The following WDFY4 variants were observed in gnomAD, a reference collection of about 807,000 sequenced individuals.
The protein encoded by WDFY4 is WDFY family member 4.
A neutral mutation model predicts 351.9 loss-of-function variants in WDFY4; 169 were observed. The observed-to-expected ratio is 0.48, with a 90% CI of 0.42 to 0.55. WDFY4 has a LOEUF of 0.55. Ranked by LOEUF, WDFY4 falls within the 20% of genes least tolerant of loss-of-function variation. WDFY4 has a pLI of 0.00. For synonymous variants in WDFY4, 1,622 were observed against 1,574.6 expected (o/e 1.03, Z -0.71); for missense variants, 3,803 against 3,935.6 (o/e 0.97, Z 0.90).
At chr10:48,904,680 C>A (rs752616441) in intron 47 of WDFY4, among the ~76,000 whole-genome samples, 11 of 152,120 alleles carry the variant, frequency 7.2e-5, no homozygotes, top group African/African-American at 2.4e-4. Flanking sequence ...CACCACACAC[C>A]GTACATGCTC....
At chr10:48,772,297 G>A (rs955983465) in intron 13 of WDFY4, among the ~76,000 whole-genome samples, 3 of 152,116 alleles carry the variant, frequency 2.0e-5, no homozygotes, top group Non-Finnish European at 4.4e-5. Flanking sequence ...CGAGGGCACT[G>A]GCCTCATTGG....
At chr10:48,937,986 G>A (rs867713762) in intron 47 of WDFY4, among the ~76,000 whole-genome samples, 1 of 152,160 alleles carries the variant, frequency 6.6e-6, no homozygotes, top group African/African-American at 2.4e-5. Context: ...AGGAAGCCTC[G>A]CCTGGCAATG....
At chr10:48,705,922 G>C (rs1198941730) in intron 1 of WDFY4, among the ~76,000 whole-genome samples, 2 of 152,182 alleles carry the variant, frequency 1.3e-5, no homozygotes, top group African/African-American at 4.8e-5. Context: ...TTTACTGATA[G>C]AGCCAGTTAG....
intron 47 of WDFY4, among the ~76,000 whole-genome samples, chr10:48,925,637 G>T (rs1019632269): frequency 2.0e-5 from 3 of 152,230 alleles, no homozygotes; most frequent in Non-Finnish European, 2.9e-5. Context: ...GAAAGGGACA[G>T]ATTAGAGGTG....
At chr10:48,787,908 TC>T (rs1565198725) in intron 20 of WDFY4, among the ~76,000 whole-genome samples, 17 of 37,952 alleles carry the variant, frequency 4.5e-4, no homozygotes, top group Non-Finnish European at 8.1e-4. Flanking sequence ...TTCTTCTTCT[TC>T]TTCTTCTTCT....
Position 48,817,269 on chromosome 10 carries a change from G to A in WDFY4, c.5365G>A (p.Ala1789Thr). ...SQPLAGSEDG[A>T]WAQTFPASVL... Reference sequence around the variant, plus strand: ...GCCCCTGGCAGGTTCTGAGGATGGTGCCTGGGCACAGACCTTCCCGGCCAG... The same window carrying A: ...GCCCCTGGCAGGTTCTGAGGATGGTACCTGGGCACAGACCTTCCCGGCCAG... The change falls in exon 32 of 62, where the codon GCC (alanine) becomes ACC (threonine). Residue 1789 changes from alanine to threonine, a missense_variant. This residue lies in a region of WDFY4 where 3,054 missense variants were observed against 3,148.6 expected (regional missense o/e 0.97). Transcript: ENST00000325239. The A allele has an allele frequency of 6.4e-6, 10 of 1,551,684 alleles. No individual in the cohort carries two copies. The highest frequency in any genetic ancestry group is 8.7e-6 in the Non-Finnish European group (10 of 1,147,030).
intron 47 of WDFY4, among the ~76,000 whole-genome samples, chr10:48,924,079 T>G (rs1839361769): frequency 1.3e-5 from 2 of 152,354 alleles, no homozygotes; most frequent in South Asian, 4.1e-4. Flanking sequence ...GCTCCAAGCC[T>G]GCCCATTAAT....
At chr10:48,858,524 T>C (rs1428032638) in intron 39 of WDFY4, among the ~76,000 whole-genome samples, 2 of 152,228 alleles carry the variant, frequency 1.3e-5, no homozygotes, top group East Asian at 3.9e-4. Flanking sequence ...CATGTGTGGA[T>C]TATTTCTGGA....
At chr10:48,774,950 A>G (rs1748638960) in intron 14 of WDFY4, among the ~76,000 whole-genome samples, 1 of 148,930 alleles carries the variant, frequency 6.7e-6, no homozygotes. Context: ...AGAGTTCACT[A>G]GACAAAGAGA....
chr10:48,761,359 G>A (rs2132524858), intron 13 of WDFY4, among the ~76,000 whole-genome samples: 1 of 152,318 alleles, frequency 6.6e-6, no homozygotes, highest in African/African-American at 2.4e-5. Context: ...TACATTGGCT[G>A]CTTGGTGGAG....
Position 48,976,816 on chromosome 10 carries a change from C to T in WDFY4, c.9128C>T (p.Ala3043Val), listed in dbSNP as rs758698075. ...GCACAGGGCACCATTGTCTCCTGTG[C>T]GGGAGCACACTTGTCCCTGTGGAAT... ...SDVSGTIVSC[A>V]GAHLSLWNVN... The change falls in exon 59 of 62, where the codon GCG (alanine) becomes GTG (valine). Residue 3043 changes from alanine to valine, a missense_variant. Around this residue, in one of 3 missense-constraint regions of WDFY4, gnomAD observed 3,054 missense variants for 3,148.6 expected, o/e 0.97. Transcript: ENST00000325239. 2.7e-6 allele frequency: 4 copies of T among 1,484,160 alleles called. No homozygotes were observed. Among genetic ancestry groups the T allele is most frequent in the African/African-American group, 1.4e-5 (1 of 70,790 alleles). 91.9% of individuals were successfully genotyped at this position (1,484,160 alleles called of 1,614,324 possible).
intron 31 of WDFY4, among the ~76,000 whole-genome samples, chr10:48,816,237 C>G (rs2067616730): frequency 6.6e-6 from 1 of 152,174 alleles, no homozygotes; most frequent in Non-Finnish European, 1.5e-5. Context: ...TTCTTGGACT[C>G]TCTTGTGACT....
At chr10:48,914,590 C>T (rs1166687133) in intron 47 of WDFY4, among the ~76,000 whole-genome samples, 1 of 152,296 alleles carries the variant, frequency 6.6e-6, no homozygotes, top group South Asian at 2.1e-4. Flanking sequence ...TTCCTAGACC[C>T]CTGCATTAAG....
intron 43 of WDFY4, among the ~76,000 whole-genome samples, chr10:48,887,319 T>C (rs371822425): frequency 1.3e-5 from 2 of 152,322 alleles, no homozygotes; most frequent in South Asian, 2.1e-4. Context: ...CTGAGTCTCA[T>C]CTGGGAAAAG....
chr10:48,807,995 T>C, intron 28 of WDFY4, 37 bp downstream of exon 28: 1 of 1,488,736 alleles, frequency 6.7e-7, no homozygotes, highest in South Asian at 1.3e-5. Flanking sequence ...GGCAGGAGGT[T>C]ACCTCATACA....
At chr10:48,916,869 ATATGTG>A (rs1564483302) in intron 47 of WDFY4, among the ~76,000 whole-genome samples, 4 of 102,958 alleles carry the variant, frequency 3.9e-5, no homozygotes, top group South Asian at 3.7e-4. Context: ...TGCTTTAAAA[ATATGTG>A]TGTGTGTGTG....
At chr10:48,928,509 G>A (rs757035513) in intron 47 of WDFY4, among the ~76,000 whole-genome samples, 2 of 152,084 alleles carry the variant, frequency 1.3e-5, no homozygotes. Flanking sequence ...AGACCCTGCA[G>A]CCTAGCGTCC....
intron 8 of WDFY4, among the ~76,000 whole-genome samples, chr10:48,730,799 T>A (rs563829848): frequency 6.6e-6 from 1 of 152,372 alleles, no homozygotes; most frequent in South Asian, 2.1e-4. Flanking sequence ...GTATGGCCAA[T>A]ACAAATAATT....
chr10:48,838,711 C>A (rs116221040), intron 39 of WDFY4, among the ~76,000 whole-genome samples: 1 of 152,218 alleles, frequency 6.6e-6, no homozygotes, highest in East Asian at 1.9e-4. Flanking sequence ...CCACTTCCCC[C>A]CTATGCACTG....
Sources: allele counts gnomAD v4.1 joint callset (sites outside exome capture counted in the v4.1 genomes callset), GRCh38; gene constraint gnomAD v4.1.1; regional missense constraint gnomAD v4.1.1; transcripts MANE v1.5; gene names NCBI Gene and HGNC (gene_info 2026-07-23, HGNC 2026-07-21).